XKR4: variants seen among roughly 807,000 people sequenced by gnomAD.
XKR4 encodes XK related 4, also known as XK-related protein 4.
In XKR4, 12 loss-of-function variants were observed where a neutral mutation model predicts 53.9. The observed-to-expected ratio is 0.22, with a 90% CI of 0.14 to 0.36. XKR4 has a LOEUF of 0.36. Among genes scored for constraint, XKR4 ranks in the 10% least tolerant of loss-of-function variants. The probability of loss-of-function intolerance (pLI) is 1.00; values close to 1 mark genes in which losing one functional copy is unlikely to be tolerated. For missense variants in XKR4, 799 were observed against 859.5 expected (o/e 0.93, Z 0.88); for synonymous variants, 354 against 362.4 (o/e 0.98, Z 0.26).
chr8:55,471,554 G>A (rs796154653), intron 2 of XKR4, among the ~76,000 whole-genome samples: 1 of 152,174 alleles, frequency 6.6e-6, no homozygotes, highest in Non-Finnish European at 1.5e-5. Context: ...AAGGAACAGA[G>A]CTGTAAAGCA....
At chr8:55,348,144 C>A (rs955895086) in intron 1 of XKR4, among the ~76,000 whole-genome samples, 5 of 152,148 alleles carry the variant, frequency 3.3e-5, no homozygotes, top group African/African-American at 9.7e-5. Context: ...ACAGACTGAT[C>A]TAACCCAATG....
rs1563316449 is a variant in XKR4, at chr8:55,289,642, A to AAGG, written c.807-68035_807-68034insGGA. Among the ~76,000 whole-genome samples, 434 of 106,208 alleles carry AAGG rather than the reference A, an allele frequency of 4.1e-3. 4 individuals are homozygous for AAGG. The highest frequency in any genetic ancestry group is 0.014 in the East Asian group (52 of 3,838). The allele number at this position is 106,208 out of a possible 152,430, so 69.7% of individuals were successfully genotyped here. On this transcript the variant is annotated intron_variant, in intron 1 of 2. Transcript: ENST00000327381. ...GAAAGAAAGAAAGAAAGAAAGAAAG[A>AAGG]AAGAAAGGAAGGAAGGAAAAGAAAA...
chr8:55,212,390 C>T (rs1817742921), intron 1 of XKR4, among the ~76,000 whole-genome samples: 1 of 152,074 alleles, frequency 6.6e-6, no homozygotes, highest in Non-Finnish European at 1.5e-5. Flanking sequence ...GAGTAAAATA[C>T]TTTGATTTTA....
chr8:55,431,044 T>C (rs1297543965), intron 2 of XKR4, among the ~76,000 whole-genome samples: 1 of 152,202 alleles, frequency 6.6e-6, no homozygotes, highest in Non-Finnish European at 1.5e-5. Context: ...CCATATTATT[T>C]CTTACAACTG....
chr8:55,287,113 T>C (rs1173060382), intron 1 of XKR4, among the ~76,000 whole-genome samples: 5 of 89,366 alleles, frequency 5.6e-5, no homozygotes. Context: ...AAATGAGTTA[T>C]ATCAAATAAT....
chr8:55,436,603 G>A (rs989410021), intron 2 of XKR4, among the ~76,000 whole-genome samples: 4 of 152,122 alleles, frequency 2.6e-5, no homozygotes, highest in East Asian at 1.9e-4. Context: ...TTTTCTTCCT[G>A]TGGTCTTTTG....
chr8:55,212,024 G>C lies in XKR4; in HGVS notation c.806+108730G>C, dbSNP rs144372031. On this transcript the variant is annotated intron_variant, in intron 1 of 2. Coordinates refer to ENST00000327381, the MANE Select transcript of XKR4 (RefSeq NM_052898.2). ...CCCCAAGGGGGTGGAGGGGCAGGGA[G>C]CTTCCAGGTCATAGGTGGATTCAAA... Among the ~76,000 whole-genome samples the C allele has an allele frequency of 7.4e-3, 1,132 of 152,134 alleles. 18 individuals are homozygous for C. Among genetic ancestry groups the C allele is most frequent in the Non-Finnish European group, 8.3e-3 (565 of 67,998 alleles).
Position 55,278,150 on chromosome 8 carries a change from C to T in XKR4, c.807-79528C>T, listed in dbSNP as rs567748200. 5.3e-5 allele frequency among the ~76,000 whole-genome samples: 8 copies of T among 152,122 alleles called. No homozygotes were observed. In the East Asian group the frequency reaches 1.2e-3, roughly 22 times the overall value. ...AGGAGTTCAAGACCAGCCTGGCCAA[C>T]GTGGCAAAACCCTGTCCCTACTAAA... On this transcript the variant is annotated intron_variant, in intron 1 of 2. Transcript: ENST00000327381.
intron 1 of XKR4, among the ~76,000 whole-genome samples, chr8:55,200,436 A>C (rs1167588116): frequency 1.3e-5 from 2 of 152,240 alleles, no homozygotes; most frequent in Non-Finnish European, 2.9e-5. Flanking sequence ...GTGATTACAA[A>C]TACAGTTACA....
At chr8:55,132,373 G>A (rs1816567992) in intron 1 of XKR4, among the ~76,000 whole-genome samples, 4 of 152,172 alleles carry the variant, frequency 2.6e-5, no homozygotes, top group Admixed American at 2.6e-4. Flanking sequence ...AGTGTGGATA[G>A]TACCAAACCG....
At chr8:55,426,673 C>T (rs192231362) in intron 2 of XKR4, among the ~76,000 whole-genome samples, 8 of 152,220 alleles carry the variant, frequency 5.3e-5, no homozygotes, top group East Asian at 3.9e-4. Context: ...AACATATACA[C>T]GAGTCAGGCA....
At chr8:55,304,590 A>G (rs1009654702) in intron 1 of XKR4, among the ~76,000 whole-genome samples, 4 of 152,176 alleles carry the variant, frequency 2.6e-5, no homozygotes, top group African/African-American at 9.7e-5. Flanking sequence ...TAATGTTGAC[A>G]GTGGGGTGTT....
chr8:55,499,166 G>A (rs1176978158), intron 2 of XKR4, among the ~76,000 whole-genome samples: 2 of 152,170 alleles, frequency 1.3e-5, no homozygotes, highest in African/African-American at 2.4e-5. Flanking sequence ...AGAAACTATA[G>A]GCACCAAAGT....
chr8:55,302,054 A>T (rs1655109451), intron 1 of XKR4, among the ~76,000 whole-genome samples: 1 of 152,012 alleles, frequency 6.6e-6, no homozygotes, highest in South Asian at 2.1e-4. Context: ...GGTGTTTTAG[A>T]CATGAAGTCC....
chr8:55,462,638 T>G (rs191905969), intron 2 of XKR4, among the ~76,000 whole-genome samples: 1 of 152,082 alleles, frequency 6.6e-6, no homozygotes, highest in South Asian at 2.1e-4. Flanking sequence ...TAACCTTAAA[T>G]GTAAATGGGC....
At chr8:55,382,675 G>A (rs930079307) in intron 2 of XKR4, among the ~76,000 whole-genome samples, 3 of 152,226 alleles carry the variant, frequency 2.0e-5, no homozygotes, top group African/African-American at 7.2e-5. Context: ...GTTACAGAAG[G>A]TTGGGTGGAT....
rs16921354 is a variant in XKR4, at chr8:55,190,280, G to A, written c.806+86986G>A. On this transcript the variant is annotated intron_variant, in intron 1 of 2. Transcript: ENST00000327381. The stretch of plus-strand genomic sequence containing the variant: ...CCAAGTAAAATTGTCTGTGCCTAAC[G>A]ATACAGGGCAAACAATTACTAGGCT... 9.2e-5 allele frequency among the ~76,000 whole-genome samples: 14 copies of A among 152,268 alleles called. 1 individual carries two copies. The highest frequency in any genetic ancestry group is 8.5e-4 in the Admixed American group (13 of 15,296).
intron 1 of XKR4, among the ~76,000 whole-genome samples, chr8:55,272,524 C>A (rs1459753340): frequency 6.6e-6 from 1 of 152,148 alleles, no homozygotes; most frequent in African/African-American, 2.4e-5. Context: ...GGCTTAGAAC[C>A]TCTTTGACAC....
chr8:55,397,657 C>G (rs891413027), intron 2 of XKR4, among the ~76,000 whole-genome samples: 3 of 151,980 alleles, frequency 2.0e-5, no homozygotes, highest in African/African-American at 7.3e-5. Context: ...TGGGTGCACA[C>G]ACAGGAATGC....
Sources: allele counts gnomAD v4.1 joint callset (sites outside exome capture counted in the v4.1 genomes callset), GRCh38; gene constraint gnomAD v4.1.1; transcripts MANE v1.5; gene names NCBI Gene and HGNC (gene_info 2026-07-23, HGNC 2026-07-21).